The following UBAP1L variants were observed in gnomAD, a reference collection of about 807,000 sequenced individuals.
The protein encoded by UBAP1L is ubiquitin associated protein 1 like, also known as ubiquitin-associated protein 1-like.
A neutral mutation model predicts 32.1 loss-of-function variants in UBAP1L; 32 were observed. The ratio of observed to expected loss-of-function variants is 1.00; its 90% CI spans 0.75 to 1.34. UBAP1L has a LOEUF of 1.34. Among genes scored for constraint, UBAP1L ranks in the 40% most tolerant of loss-of-function variants. UBAP1L has a pLI of 0.00. For synonymous variants in UBAP1L, 243 were observed against 250.2 expected (o/e 0.97, Z 0.27); for missense variants, 516 against 540.5 (o/e 0.95, Z 0.45).
intron 5 of UBAP1L, 143 bp from the exon 6 acceptor site, chr15:65,093,374 A>G (rs2919337): frequency 0.84 from 836,405 of 998,734 alleles, 351,370 homozygotes; most frequent in East Asian, 1. Flanking sequence ...ATCCTGGGCC[A>G]CACCTGCCAC....
chr15:65,099,273 TTACC>T lies in UBAP1L; in HGVS notation c.909+228_909+231del, dbSNP rs1261271867. Reference sequence around the variant, plus strand: ...GATTACCTTAACTGCAGAGATCCACTTACCTCAGGTCACCCCCTTCCCACATGCA... The same window carrying T: ...GATTACCTTAACTGCAGAGATCCACTTCAGGTCACCCCCTTCCCACATGCA... On this transcript the variant is annotated intron_variant, in intron 4 of 5. Transcript: ENST00000559089. 3 of 538,914 alleles carry T rather than the reference TTACC, an allele frequency of 5.6e-6. No homozygotes were observed. The African/African-American group carries it at 5.7e-5, about 10-fold the overall frequency. 33.4% of individuals were successfully genotyped at this position (538,914 alleles called of 1,614,324 possible). A position where few individuals can be genotyped will look rare whatever the true frequency, so the allele number is the denominator to read the frequency against.
chr15:65,104,009 C>T (rs1376325045), intron 2 of UBAP1L, among the ~76,000 whole-genome samples: 1 of 152,110 alleles, frequency 6.6e-6, no homozygotes, highest in Non-Finnish European at 1.5e-5. Flanking sequence ...GATCCCAGCA[C>T]TTTGGGAGGC....
In UBAP1L at chr15:65,094,862, G is replaced by C; in HGVS notation, c.910-286C>G. On this transcript the variant is annotated intron_variant, in intron 4 of 5. Transcript: ENST00000559089. The surrounding 1 kb of genome is among the most constrained non-coding windows in gnomAD (Gnocchi z 4.2). ...TGGGCTAGGGTGTTCATAGAACCTA[G>C]GTGGGGAGCAGGACAGGCTTCAAAC... 2.1e-6 allele frequency: 1 copy of C among 478,814 alleles called. No homozygotes were observed. Among genetic ancestry groups the C allele is most frequent in the South Asian group, 2.2e-5 (1 of 45,528 alleles). The allele number at this position is 478,814 out of a possible 1,614,324, so 29.7% of individuals were successfully genotyped here. A position where few individuals can be genotyped will look rare whatever the true frequency, so the allele number is the denominator to read the frequency against.
chr15:65,094,912 C>T lies in UBAP1L; in HGVS notation c.910-336G>A, dbSNP rs1042223688. 12 of 362,208 alleles carry T rather than the reference C, an allele frequency of 3.3e-5. No homozygotes were observed. The highest frequency in any genetic ancestry group is 1.5e-4 in the African/African-American group (7 of 47,868). 22.4% of individuals were successfully genotyped at this position (362,208 alleles called of 1,614,324 possible). On this transcript the variant is annotated intron_variant, in intron 4 of 5. Transcript: ENST00000559089. This position sits in a 1 kb window ranked among gnomAD's most constrained non-coding sequence, Gnocchi z 4.2. The stretch of plus-strand genomic sequence containing the variant: ...CACAGACATCCCACCTACCACCCAA[C>T]GCAATTCAACATTCATGCACCACCC...
intron 1 of UBAP1L, 43 bp downstream of exon 1, chr15:65,115,107 T>C (rs908578237): frequency 6.6e-6 from 1 of 152,268 alleles, no homozygotes; most frequent in African/African-American, 2.4e-5. Flanking sequence ...ATATATTGCA[T>C]ATTATACTTA....
At chr15:65,106,051 C>G in intron 2 of UBAP1L, 45 bp downstream of exon 2, 1 of 1,548,650 alleles carries the variant, frequency 6.5e-7, no homozygotes, top group Non-Finnish European at 8.7e-7. Flanking sequence ...GGACTCAGCC[C>G]CAGACCCACA....
intron 2 of UBAP1L, among the ~76,000 whole-genome samples, chr15:65,104,167 G>A (rs919109157): frequency 4.6e-5 from 7 of 151,866 alleles, no homozygotes; most frequent in African/African-American, 1.2e-4. Flanking sequence ...CAGGAGAATC[G>A]CTTGAACCTG....
In UBAP1L at chr15:65,106,299, G is replaced by T; in HGVS notation, c.-84C>A. On this transcript the variant is annotated 5_prime_UTR_variant, in exon 2 of 6. Coordinates refer to ENST00000559089, the MANE Select transcript of UBAP1L (RefSeq NM_001163692.2). Reference sequence around the variant, plus strand: ...GAGAGAGTCGAGTCCTGAGGACCAGGCTCAGGCCTCAAATGGCCTCACTGC... The same window carrying T: ...GAGAGAGTCGAGTCCTGAGGACCAGTCTCAGGCCTCAAATGGCCTCACTGC... The T allele has an allele frequency of 1.4e-6, 2 of 1,402,718 alleles. No homozygotes were observed. The highest frequency in any genetic ancestry group is 1.6e-5 in the African/African-American group (1 of 61,862). The allele number at this position is 1,402,718 out of a possible 1,614,324, so 86.9% of individuals were successfully genotyped here.
chr15:65,093,262 G>T, intron 5 of UBAP1L, 31 bp from the exon 6 acceptor site: 2 of 1,514,364 alleles, frequency 1.3e-6, no homozygotes. Context: ...AGGGTGCTGG[G>T]GGCTCTGCTG....
At chr15:65,113,405 T>TG (rs1271601126) in intron 1 of UBAP1L, among the ~76,000 whole-genome samples, 4 of 152,188 alleles carry the variant, frequency 2.6e-5, no homozygotes, top group African/African-American at 9.7e-5. Context: ...CATATCCTGT[T>TG]CTGGATACTT....
Position 65,093,086 on chromosome 15 carries a change from T to C in UBAP1L, c.*11A>G. 1 of 1,543,482 alleles carries C rather than the reference T, an allele frequency of 6.5e-7. No individual in the cohort carries two copies. Among genetic ancestry groups the C allele is most frequent in the Non-Finnish European group, 8.7e-7 (1 of 1,145,114 alleles). On this transcript the variant is annotated 3_prime_UTR_variant, in exon 6 of 6. Coordinates refer to ENST00000559089, the MANE Select transcript of UBAP1L (RefSeq NM_001163692.2). Reference sequence around the variant, plus strand: ...GCCTAGATGCCCAGGCATCGTGGAGTGCCTCCGTGGTCACTGGGCACAGGC... The same window carrying C: ...GCCTAGATGCCCAGGCATCGTGGAGCGCCTCCGTGGTCACTGGGCACAGGC...
At chr15:65,103,064 G>A (rs2087262657) in intron 2 of UBAP1L, among the ~76,000 whole-genome samples, 1 of 152,190 alleles carries the variant, frequency 6.6e-6, no homozygotes, top group Admixed American at 6.5e-5. Context: ...CCAGCAGTTT[G>A]CCAATGAGTA....
chr15:65,094,780 G>A lies in UBAP1L; in HGVS notation c.910-204C>T. 1.7e-6 allele frequency: 1 copy of A among 594,654 alleles called. No individual in the cohort carries two copies. The highest frequency in any genetic ancestry group is 2.0e-5 in the South Asian group (1 of 51,066). The allele number at this position is 594,654 out of a possible 1,614,324, so 36.8% of individuals were successfully genotyped here. The stretch of plus-strand genomic sequence containing the variant: ...AGTGCCTGGCGATAGGCAGACAATG[G>A]GTCTTCACCAACTATGCCAAGCTGG... On this transcript the variant is annotated intron_variant, in intron 4 of 5. Coordinates refer to ENST00000559089, the MANE Select transcript of UBAP1L (RefSeq NM_001163692.2). This position sits in a 1 kb window ranked among gnomAD's most constrained non-coding sequence, Gnocchi z 4.2.
intron 1 of UBAP1L, among the ~76,000 whole-genome samples, chr15:65,107,329 G>A (rs1377696092): frequency 1.4e-5 from 2 of 146,916 alleles, no homozygotes; most frequent in African/African-American, 5.0e-5. Context: ...GCAAGATGCT[G>A]TCTCAAAAAA....
intron 3 of UBAP1L, among the ~76,000 whole-genome samples, chr15:65,101,895 C>T (rs965968816): frequency 6.6e-6 from 1 of 152,122 alleles, no homozygotes; most frequent in Non-Finnish European, 1.5e-5. Flanking sequence ...GTGGGAAACG[C>T]GGGGAATGGG....
At position 65,099,623 on chromosome 15, in the gene UBAP1L, A is replaced by T. The variant is rs750641093; in HGVS notation, c.791T>A (p.Leu264Gln). ...HKSHPDTAAD[L>Q]LSALSQEEQD... ...CTCCTCCTGGCTCAGGGCGGACAGCAGGTCAGCCGCAGTATCAGGGTGTGA... is the reference window on the plus strand; with the variant it reads ...CTCCTCCTGGCTCAGGGCGGACAGCTGGTCAGCCGCAGTATCAGGGTGTGA... The change falls in exon 4 of 6, where the codon CTG (leucine) becomes CAG (glutamine). Residue 264 changes from leucine (L) to glutamine (Q), a missense_variant. By Grantham distance (113) the Leu-to-Gln change is moderately radical. Coordinates refer to ENST00000559089, the MANE Select transcript of UBAP1L (RefSeq NM_001163692.2). 6.4e-7 allele frequency: 1 copy of T among 1,551,660 alleles called. No homozygotes were observed. Among genetic ancestry groups the T allele is most frequent in the East Asian group, 2.4e-5 (1 of 40,920 alleles).
In UBAP1L at chr15:65,102,644, T is replaced by C; in HGVS notation, c.161A>G (p.Glu54Gly). ...CGGGCTGGGTCCCTGGCCGGCGGCC[T>C]CCACCCAGAAGAGTGCCGTCCTCTC... The part of the protein sequence containing the change: ...SLERTALFWV[E>G]AAGQGPSPYQ... Residue 54 changes from glutamate to glycine, a missense_variant, in exon 3 of 6, where the codon GAG becomes GGG. Glu to Gly is a moderately conservative substitution (Grantham distance 98). Coordinates refer to ENST00000559089, the MANE Select transcript of UBAP1L (RefSeq NM_001163692.2). The surrounding 1 kb of genome is among the most constrained non-coding windows in gnomAD (Gnocchi z 5.0). 1.3e-6 allele frequency: 2 copies of C among 1,548,976 alleles called. No individual in the cohort carries two copies. The highest frequency in any genetic ancestry group is 1.7e-6 in the Non-Finnish European group (2 of 1,146,798).
At chr15:65,105,476 C>G (rs777623905) in intron 2 of UBAP1L, 70 of 400,710 alleles carry the variant, frequency 1.7e-4, no homozygotes, top group Non-Finnish European at 2.7e-4. Flanking sequence ...GAGCGAGACT[C>G]TGTCTGAAAA....
chr15:65,113,860 C>T (rs1392919549), intron 1 of UBAP1L, among the ~76,000 whole-genome samples: 1 of 152,148 alleles, frequency 6.6e-6, no homozygotes, highest in Non-Finnish European at 1.5e-5. Context: ...GTCAGGTCTA[C>T]CTAGCACAGT....
Sources: gnomAD v4.1 joint callset for allele counts (sites outside exome capture counted in the v4.1 genomes callset) on GRCh38, gnomAD v4.1.1 for gene constraint, Gnocchi (gnomAD v3.1) non-coding constraint, MANE v1.5 for transcripts, NCBI Gene and HGNC (gene_info 2026-07-23, HGNC 2026-07-21) for gene names.